The following ICMT variants were observed in gnomAD, a reference collection of about 807,000 sequenced individuals.
The protein encoded by ICMT is protein-S-isoprenylcysteine O-methyltransferase.
In ICMT, 10 loss-of-function variants were observed where a neutral mutation model predicts 32.2. The ratio of observed to expected loss-of-function variants is 0.31; its 90% confidence interval spans 0.19 to 0.53. The LOEUF is 0.53. ICMT is among the 20% of genes least tolerant of loss of function. The pLI is 0.96. For missense variants in ICMT, 265 were observed against 356.9 expected (o/e 0.74, Z 2.07); for synonymous variants, 183 against 158.2 (o/e 1.16, Z -1.18).
Position 6,235,753 on chromosome 1 carries a change from C to T in ICMT, c.159G>A (p.Ala53=). ...GLALYVAGLN[A]LLLLLYRPPR... ...GCGGCCGATAGAGCAGCAGCAGCAG[C>T]GCGTTGAGCCCGGCCACGTAGAGCG... Residue 53 remains alanine, a synonymous_variant, in exon 1 of 5, where the codon GCG becomes GCA. Transcript: ENST00000343813. 2 of 1,335,590 alleles carry T rather than the reference C, an allele frequency of 1.5e-6. No homozygotes were observed. The highest frequency in any genetic ancestry group is 1.9e-6 in the Non-Finnish European group (2 of 1,033,782). The allele number at this position is 1,335,590 out of a possible 1,614,324, so 82.7% of individuals were successfully genotyped here. A position where few individuals can be genotyped will look rare whatever the true frequency, so the allele number is the denominator to read the frequency against.
chr1:6,224,282 T>C lies in ICMT; in HGVS notation c.*798A>G, dbSNP rs1668605811. The C allele has an allele frequency of 6.6e-6, 1 of 152,210 alleles. No homozygotes were observed. Among genetic ancestry groups the C allele is most frequent in the Non-Finnish European group, 1.5e-5 (1 of 68,040 alleles). The allele number at this position is 152,210 out of a possible 1,614,324, so 9.4% of individuals were successfully genotyped here. A position where few individuals can be genotyped will look rare whatever the true frequency, so the allele number is the denominator to read the frequency against. On this transcript the variant is annotated 3_prime_UTR_variant, in exon 5 of 5. Transcript: ENST00000343813. Reference sequence around the variant, plus strand: ...CACTTCTTGGATCAAAAGAAACTGATGCTCCTTTGAGCCGCCTATCACTGA... The same window carrying C: ...CACTTCTTGGATCAAAAGAAACTGACGCTCCTTTGAGCCGCCTATCACTGA...
At chr1:6,231,613 A>G (rs555688790) in intron 4 of ICMT, among the ~76,000 whole-genome samples, 4 of 152,328 alleles carry the variant, frequency 2.6e-5, no homozygotes, top group Admixed American at 6.5e-5. Context: ...TACAGCAGGT[A>G]GCTAACAGCA....
At chr1:6,235,408 G>A (rs1434713952) in intron 1 of ICMT, among the ~76,000 whole-genome samples, 2 of 152,116 alleles carry the variant, frequency 1.3e-5, no homozygotes, top group African/African-American at 2.4e-5. Context: ...TCACTGCGGG[G>A]CCTTTGACCT....
Position 6,225,047 on chromosome 1 carries a change from C to T in ICMT, c.*33G>A, listed in dbSNP as rs768234392. On this transcript the variant is annotated 3_prime_UTR_variant, in exon 5 of 5. Coordinates refer to ENST00000343813, the MANE Select transcript of ICMT (RefSeq NM_012405.4). ...AGTTTTGTCCCAGGCTGCACAGGGT[C>T]GGAGGCCCCAAGGTCACCGGGGCCA... The T allele has an allele frequency of 2.1e-5, 33 of 1,588,352 alleles. No individual in the cohort carries two copies. The highest frequency in any genetic ancestry group is 3.4e-4 in the Middle Eastern group (2 of 5,826).
chr1:6,227,581 C>A (rs1007154679), intron 4 of ICMT, among the ~76,000 whole-genome samples: 3 of 152,176 alleles, frequency 2.0e-5, no homozygotes, highest in African/African-American at 7.2e-5. Context: ...GGCGGCCAGG[C>A]GCGATGGCTC....
rs1668624609 is a variant in ICMT, at chr1:6,225,101, C to A, written c.834G>T (p.Lys278Asn). The A allele has an allele frequency of 6.2e-7, 1 of 1,613,698 alleles. No individual in the cohort carries two copies. Among genetic ancestry groups the A allele is most frequent in the African/African-American group, 1.3e-5 (1 of 75,068 alleles). Reference sequence around the variant, plus strand: ...CCCGTCACAGGTCCACCTTGACCCCCTTTATGAAAGGCAGGCCCGTGGGCA... The same window carrying A: ...CCCGTCACAGGTCCACCTTGACCCCATTTATGAAAGGCAGGCCCGTGGGCA... ...KRVPTGLPFI[K>N]GVKVDL Residue 278 changes from lysine to asparagine, a missense_variant, in exon 5 of 5, where the codon AAG becomes AAT. Lys to Asn is a moderately conservative substitution (Grantham distance 94). This residue lies in a region of ICMT where 166 missense variants were observed against 264.3 expected (regional missense o/e 0.63). Transcript: ENST00000343813.
intron 4 of ICMT, among the ~76,000 whole-genome samples, chr1:6,229,647 G>A (rs1329489802): frequency 6.6e-6 from 1 of 152,072 alleles, no homozygotes; most frequent in Non-Finnish European, 1.5e-5. Flanking sequence ...CAGATACTTA[G>A]GAGACTAAGG....
chr1:6,233,447 C>A lies in ICMT; in HGVS notation c.454+27G>T. 3 of 1,601,258 alleles carry A rather than the reference C, an allele frequency of 1.9e-6. No individual in the cohort carries two copies. In the South Asian group the frequency reaches 3.4e-5, roughly 18 times the overall value. On this transcript the variant is annotated intron_variant, in intron 3 of 4. Transcript: ENST00000343813. Reference sequence around the variant, plus strand: ...TGAATGGGAGCCACCCTTTTCCCCTCCAGAGGGGGACATAAGGCACACGAA... The same window carrying A: ...TGAATGGGAGCCACCCTTTTCCCCTACAGAGGGGGACATAAGGCACACGAA...
In ICMT at chr1:6,225,031, C is replaced by T. The variant is rs781641232; in HGVS notation, c.*49G>A. 1.3e-6 allele frequency: 2 copies of T among 1,512,384 alleles called. No homozygotes were observed. Among genetic ancestry groups the T allele is most frequent in the Middle Eastern group, 1.9e-4 (1 of 5,382 alleles). The allele number at this position is 1,512,384 out of a possible 1,614,324, so 93.7% of individuals were successfully genotyped here. On this transcript the variant is annotated 3_prime_UTR_variant, in exon 5 of 5. Transcript: ENST00000343813. ...GCGGCCAACCGGAAACAGTTTTGTC[C>T]CAGGCTGCACAGGGTCGGAGGCCCC...
intron 4 of ICMT, among the ~76,000 whole-genome samples, chr1:6,230,016 A>G (rs1668708290): frequency 6.6e-6 from 1 of 150,430 alleles, no homozygotes; most frequent in Non-Finnish European, 1.5e-5. Context: ...TATAAGTAAG[A>G]ACCACCATGC....
intron 4 of ICMT, among the ~76,000 whole-genome samples, chr1:6,227,497 G>C (rs948006241): frequency 3.9e-5 from 6 of 152,214 alleles, no homozygotes; most frequent in African/African-American, 1.2e-4. Context: ...AATTTTCCAA[G>C]ATCTATTCAC....
rs1449884110 is a variant in ICMT, at chr1:6,223,948, T to G, written c.*1132A>C. 1 of 152,210 alleles carries G rather than the reference T, an allele frequency of 6.6e-6. No individual in the cohort carries two copies. Among genetic ancestry groups the G allele is most frequent in the Non-Finnish European group, 1.5e-5 (1 of 68,042 alleles). The allele number at this position is 152,210 out of a possible 1,614,324, so 9.4% of individuals were successfully genotyped here. ...GATGTGTGACTCAAAGCCAACTTAC[T>G]CTCCCAAACTTGCAAAACAAACATA... On this transcript the variant is annotated 3_prime_UTR_variant, in exon 5 of 5. Transcript: ENST00000343813.
chr1:6,228,506 C>T (rs961495601), intron 4 of ICMT, among the ~76,000 whole-genome samples: 9 of 152,024 alleles, frequency 5.9e-5, no homozygotes, highest in Admixed American at 4.6e-4. Context: ...CCACACCAGG[C>T]TAATTGTTTG....
intron 4 of ICMT, among the ~76,000 whole-genome samples, chr1:6,228,638 G>A (rs1216398335): frequency 5.3e-5 from 8 of 150,662 alleles, no homozygotes; most frequent in Admixed American, 1.3e-4. Flanking sequence ...CACCATGCCC[G>A]GCCAGCCAAG....
At chr1:6,226,147 G>A (rs1249360963) in intron 4 of ICMT, among the ~76,000 whole-genome samples, 1 of 152,146 alleles carries the variant, frequency 6.6e-6, no homozygotes, top group Non-Finnish European at 1.5e-5. Flanking sequence ...GTTAATTGCA[G>A]TACTTTGGGA....
At chr1:6,233,774 G>A in intron 2 of ICMT, 131 bp from the exon 3 acceptor site, 1 of 670,626 alleles carries the variant, frequency 1.5e-6, no homozygotes, top group Non-Finnish European at 2.5e-6. Flanking sequence ...GTGGACACAG[G>A]TACCCATCTG....
chr1:6,235,656 G>T, intron 1 of ICMT, 61 bp downstream of exon 1: 2 of 1,076,860 alleles, frequency 1.9e-6, no homozygotes, highest in Non-Finnish European at 2.3e-6. Flanking sequence ...GTGCCCACGC[G>T]CCGCGCCAAG....
chr1:6,232,532 G>A (rs1176643609), intron 3 of ICMT, among the ~76,000 whole-genome samples: 1 of 152,184 alleles, frequency 6.6e-6, no homozygotes, highest in Non-Finnish European at 1.5e-5. Flanking sequence ...TTCAATTTCA[G>A]AGTGCATTCC....
chr1:6,235,632 G>C (rs907507475), intron 1 of ICMT, 85 bp downstream of exon 1: 73 of 946,382 alleles, frequency 7.7e-5, no homozygotes, highest in Non-Finnish European at 9.3e-5. Flanking sequence ...GCCACTGCGG[G>C]CCCGGGGAGA....
Sources: gnomAD v4.1 joint callset for allele counts (sites outside exome capture counted in the v4.1 genomes callset) on GRCh38, gnomAD v4.1.1 for gene constraint, gnomAD v4.1.1 regional missense constraint, MANE v1.5 for transcripts, NCBI Gene and HGNC (gene_info 2026-07-23, HGNC 2026-07-21) for gene names.